CNTN3: variants seen among roughly 807,000 people sequenced by gnomAD.
The protein encoded by CNTN3 is contactin 3.
CNTN3 carries 60 observed loss-of-function variants against 119.1 expected under a neutral mutation model. The ratio of observed to expected loss-of-function variants is 0.50; its 90% CI spans 0.41 to 0.62. The LOEUF (loss-of-function observed/expected upper bound fraction) is 0.62, where lower values mean the gene tolerates loss of function less well. Among genes scored for constraint, CNTN3 ranks in the 20% least tolerant of loss-of-function variants. The pLI is 0.00. For missense variants in CNTN3, 1,101 were observed against 1,242.4 expected (o/e 0.89, Z 1.71); for synonymous variants, 450 against 438.7 (o/e 1.03, Z -0.32).
At chr3:74,344,075 T>C (rs1322054556) in intron 11 of CNTN3, among the ~76,000 whole-genome samples, 1 of 152,244 alleles carries the variant, frequency 6.6e-6, no homozygotes, top group African/African-American at 2.4e-5. Flanking sequence ...TAGCTAATAA[T>C]TGTTTGTAAT....
At chr3:74,525,382 G>T (rs1405210178) in intron 1 of CNTN3, among the ~76,000 whole-genome samples, 1 of 151,698 alleles carries the variant, frequency 6.6e-6, no homozygotes, top group Admixed American at 6.6e-5. Flanking sequence ...GTTAAAGTAG[G>T]ACATTGGCTT....
intron 4 of CNTN3, among the ~76,000 whole-genome samples, chr3:74,476,891 G>A (rs1164652834): frequency 6.6e-6 from 1 of 152,018 alleles, no homozygotes; most frequent in Non-Finnish European, 1.5e-5. Context: ...AGAACACAAA[G>A]AGATACAGAA....
intron 11 of CNTN3, among the ~76,000 whole-genome samples, chr3:74,351,140 T>G (rs2106747956): frequency 6.6e-6 from 1 of 152,340 alleles, no homozygotes; most frequent in Non-Finnish European, 1.5e-5. Flanking sequence ...ATTAACAGCA[T>G]CAGAAACCTT....
At chr3:74,545,786 C>A (rs971188390) in intron 1 of CNTN3, among the ~76,000 whole-genome samples, 1 of 152,050 alleles carries the variant, frequency 6.6e-6, no homozygotes, top group East Asian at 1.9e-4. Flanking sequence ...CCCCCACCCC[C>A]AAAACTGATA....
chr3:74,577,466 A>G (rs1377210751), intron 1 of CNTN3, among the ~76,000 whole-genome samples: 4 of 152,136 alleles, frequency 2.6e-5, no homozygotes, highest in Admixed American at 6.5e-5. Flanking sequence ...ATGTTACTGA[A>G]ATGACCTCAA....
chr3:74,330,306 A>G (rs1352431586), intron 13 of CNTN3, among the ~76,000 whole-genome samples: 2 of 152,042 alleles, frequency 1.3e-5, no homozygotes, highest in Admixed American at 6.6e-5. Flanking sequence ...CAGTGAGTCA[A>G]GATCGTGCCA....
At chr3:74,396,318 A>G (rs1705051838) in intron 5 of CNTN3, among the ~76,000 whole-genome samples, 1 of 152,208 alleles carries the variant, frequency 6.6e-6, no homozygotes, top group South Asian at 2.1e-4. Context: ...AAAGTTCTTG[A>G]AGAAAATTAA....
chr3:74,464,692 T>C (rs1317488525), intron 4 of CNTN3, among the ~76,000 whole-genome samples: 3 of 152,306 alleles, frequency 2.0e-5, no homozygotes, highest in South Asian at 2.1e-4. Flanking sequence ...TAAAAATCTG[T>C]AGCAGTTTTG....
intron 4 of CNTN3, among the ~76,000 whole-genome samples, chr3:74,443,583 C>G (rs1702001239): frequency 1.3e-5 from 2 of 152,152 alleles, no homozygotes; most frequent in African/African-American, 4.8e-5. Context: ...TCTCCATCCC[C>G]TGTGGCACAT....
chr3:74,346,216 ATAC>A (rs764208716), intron 11 of CNTN3, among the ~76,000 whole-genome samples: 89 of 152,304 alleles, frequency 5.8e-4, no homozygotes, highest in South Asian at 1.2e-3. Context: ...AAACTTTGAA[ATAC>A]TACTATTTTC....
At chr3:74,565,988 C>G (rs1704220524) in intron 1 of CNTN3, among the ~76,000 whole-genome samples, 1 of 152,034 alleles carries the variant, frequency 6.6e-6, no homozygotes, top group Non-Finnish European at 1.5e-5. Flanking sequence ...AGTGGAGTTC[C>G]CCCACACAAG....
At chr3:74,583,213 G>T (rs1043809092) in intron 1 of CNTN3, among the ~76,000 whole-genome samples, 13 of 152,152 alleles carry the variant, frequency 8.5e-5, no homozygotes, top group African/African-American at 3.1e-4. Context: ...GTGGTTCAGA[G>T]TGTGACCTCT....
chr3:74,535,170 T>C (rs1703747248), intron 1 of CNTN3, among the ~76,000 whole-genome samples: 1 of 152,106 alleles, frequency 6.6e-6, no homozygotes, highest in Non-Finnish European at 1.5e-5. Flanking sequence ...ATTTGCTTTA[T>C]CACAGCAAAT....
chr3:74,348,528 T>C (rs1703745075), intron 11 of CNTN3, among the ~76,000 whole-genome samples: 1 of 152,124 alleles, frequency 6.6e-6, no homozygotes, highest in Non-Finnish European at 1.5e-5. Context: ...TAGGTAGGCA[T>C]TATGACTCTT....
intron 1 of CNTN3, among the ~76,000 whole-genome samples, chr3:74,539,029 C>A (rs1488555551): frequency 1.3e-5 from 2 of 151,942 alleles, no homozygotes; most frequent in African/African-American, 4.8e-5. Flanking sequence ...TAAAAAGGAC[C>A]ATCTAAATGG....
chr3:74,391,557 C>CTTTTTTTTTTTTTTTTTTTTTTTTT lies in CNTN3; in HGVS notation c.455-20159_455-20158insAAAAAAAAAAAAAAAAAAAAAAAAA, dbSNP rs554976641. On this transcript the variant is annotated intron_variant, in intron 5 of 22. Coordinates refer to ENST00000263665, the MANE Select transcript of CNTN3 (RefSeq NM_020872.3). ...TTAGTATTTTGTACTCCCATAGTTT[C>CTTTTTTTTTTTTTTTTTTTTTTTTT]TTTTTTTTTTTTTTTTTTTTTTTTG... Among the ~76,000 whole-genome samples the CTTTTTTTTTTTTTTTTTTTTTTTTT allele has an allele frequency of 6.9e-5, 6 of 87,026 alleles. 1 individual carries two copies. The highest frequency in any genetic ancestry group is 2.3e-4 in the African/African-American group (5 of 21,412). The allele number at this position is 87,026 out of a possible 152,430, so 57.1% of individuals were successfully genotyped here.
intron 5 of CNTN3, among the ~76,000 whole-genome samples, chr3:74,402,462 T>C (rs1453619150): frequency 6.6e-6 from 1 of 152,190 alleles, no homozygotes; most frequent in East Asian, 1.9e-4. Flanking sequence ...TCACAAACTA[T>C]ATCTGATTCA....
intron 5 of CNTN3, among the ~76,000 whole-genome samples, chr3:74,422,551 T>A (rs1488700228): frequency 6.6e-6 from 1 of 152,214 alleles, no homozygotes; most frequent in Non-Finnish European, 1.5e-5. Context: ...TTTTGGGACA[T>A]GTTTCCTCCA....
rs538995612 is a variant in CNTN3, at chr3:74,299,023, A to G, written c.2167-832T>C. On this transcript the variant is annotated intron_variant, in intron 17 of 22. Transcript: ENST00000263665. ...GGAGTTTGAGAGCAGCCTGGCCAACATAGCAAAACTCCGTCTCTACTAAAA... is the reference window on the plus strand; with the variant it reads ...GGAGTTTGAGAGCAGCCTGGCCAACGTAGCAAAACTCCGTCTCTACTAAAA... Among the ~76,000 whole-genome samples the G allele has an allele frequency of 7.2e-5, 11 of 152,260 alleles. 1 individual carries two copies. In the East Asian group the frequency reaches 1.5e-3, roughly 21 times the overall value.
Sources: gnomAD v4.1 joint callset for allele counts (sites outside exome capture counted in the v4.1 genomes callset) on GRCh38, gnomAD v4.1.1 for gene constraint, MANE v1.5 for transcripts, NCBI Gene and HGNC (gene_info 2026-07-23, HGNC 2026-07-21) for gene names.